The following FERMT1 variants were observed in gnomAD, a reference collection of about 807,000 sequenced individuals.
The protein encoded by FERMT1 is FERM domain containing kindlin 1.
A neutral mutation model predicts 85.3 loss-of-function variants in FERMT1; 60 were observed. The ratio of observed to expected loss-of-function variants is 0.70; its 90% CI spans 0.57 to 0.87. FERMT1 has a LOEUF of 0.87. Ranked by LOEUF, FERMT1 falls within the 40% of genes least tolerant of loss-of-function variation. FERMT1 has a pLI of 0.00. For synonymous variants in FERMT1, 275 were observed against 301.1 expected (o/e 0.91, Z 0.90); for missense variants, 701 against 818.9 (o/e 0.86, Z 1.76).
In FERMT1 at chr20:6,077,275, G is replaced by C. The variant is rs763281287; in HGVS notation, c.1932C>G (p.His644Gln). Residue 644 changes from histidine to glutamine, a missense_variant, in exon 15 of 15, where the codon CAC becomes CAG. Transcript: ENST00000217289. ...AGAAAATGTAGCCGCCAATGTACTC[G>C]TGCACAATCTTGCAATCTGCACTCA... ...TCLSADCKIV[H>Q]EYIGGYIFLS... 1.2e-6 allele frequency: 2 copies of C among 1,614,168 alleles called. No homozygotes were observed. Among genetic ancestry groups the C allele is most frequent in the Admixed American group, 1.7e-5 (1 of 60,010 alleles).
intron 6 of FERMT1, among the ~76,000 whole-genome samples, chr20:6,103,122 A>G (rs1982704751): frequency 6.6e-6 from 1 of 152,204 alleles, no homozygotes; most frequent in South Asian, 2.1e-4. Flanking sequence ...TTATGAATGA[A>G]TTTGAAAGGG....
At chr20:6,086,651 G>C (rs1376538123) in intron 11 of FERMT1, among the ~76,000 whole-genome samples, 1 of 152,132 alleles carries the variant, frequency 6.6e-6, no homozygotes, top group Non-Finnish European at 1.5e-5. Context: ...GGATCATGGG[G>C]GCAGATATAC....
chr20:6,086,022 G>A (rs1212028484), intron 11 of FERMT1, among the ~76,000 whole-genome samples: 1 of 150,604 alleles, frequency 6.6e-6, no homozygotes, highest in Non-Finnish European at 1.5e-5. Flanking sequence ...GGCACTTGTA[G>A]TCCCAGCTAC....
chr20:6,085,274 G>A lies in FERMT1; in HGVS notation c.1385C>T (p.Ala462Val). The change falls in exon 12 of 15, where the codon GCC becomes GTC. Residue 462 changes from alanine to valine, a missense_variant. Transcript: ENST00000217289. Reference sequence around the variant, plus strand: ...CAACATGCAGGCAGCCATCCATTGGGCGTATTGATTCTCCTGCAGCAAACA... The same window carrying A: ...CAACATGCAGGCAGCCATCCATTGGACGTATTGATTCTCCTGCAGCAAACA... ...YLRCDHENQY[A>V]QWMAACMLAS... 2 of 1,613,520 alleles carry A rather than the reference G, an allele frequency of 1.2e-6. No homozygotes were observed. Among genetic ancestry groups the A allele is most frequent in the South Asian group, 1.1e-5 (1 of 91,040 alleles).
In FERMT1 at chr20:6,088,964, C is replaced by G; in HGVS notation, c.1264+1G>C. On this transcript the variant is annotated splice_donor_variant, in intron 10 of 14. Transcript: ENST00000217289. LOFTEE classifies it high-confidence loss of function. The stretch of plus-strand genomic sequence containing the variant: ...CACAGCAAGATATAGGGTACTCTTA[C>G]CTCTAAGATTTAGTTTTTCTAGTGG... The G allele has an allele frequency of 1.2e-6, 2 of 1,610,490 alleles. No homozygotes were observed. Among genetic ancestry groups the G allele is most frequent in the South Asian group, 1.1e-5 (1 of 90,980 alleles).
rs886056895 is a variant in FERMT1, at chr20:6,075,798, C to T, written c.*1375G>A. 4 of 152,352 alleles carry T rather than the reference C, an allele frequency of 2.6e-5. No individual in the cohort carries two copies. The highest frequency in any genetic ancestry group is 4.4e-5 in the Non-Finnish European group (3 of 68,046). 9.4% of individuals were successfully genotyped at this position (152,352 alleles called of 1,614,324 possible). The stretch of plus-strand genomic sequence containing the variant: ...GAGCTTTTGCCTTATCCTTACACCC[C>T]AAGTTCTTTGTGTGGCAGAACATCT... On this transcript the variant is annotated 3_prime_UTR_variant, in exon 15 of 15. Transcript: ENST00000217289.
In FERMT1 at chr20:6,082,187, A is replaced by C. The variant is rs539383698; in HGVS notation, c.1718+1853T>G. The stretch of plus-strand genomic sequence containing the variant: ...AGGTGTTAGAGATAGAGGGAGGTGC[A>C]GGGGGAAGTAGCTGGTAAAGGAGGA... On this transcript the variant is annotated intron_variant, in intron 13 of 14. Coordinates refer to ENST00000217289, the MANE Select transcript of FERMT1 (RefSeq NM_017671.5). Among the ~76,000 whole-genome samples, 3 of 152,328 alleles carry C rather than the reference A, an allele frequency of 2.0e-5. No individual in the cohort carries two copies. The East Asian group carries it at 5.8e-4, about 29-fold the overall frequency.
rs778862595 is a variant in FERMT1, at chr20:6,079,472, A to G, written c.1824T>C (p.Asn608=). 1 of 1,614,112 alleles carries G rather than the reference A, an allele frequency of 6.2e-7. No individual in the cohort carries two copies. ...GIPVTTWRFT[N]IKQWNVNWET... ...CCCAGTTTACATTCCACTGTTTGAT[A>G]TTTGTGAATCTCCATGTTGTCACTG... The change falls in exon 14 of 15, where the codon AAT becomes AAC. Residue 608 remains asparagine, a synonymous_variant. Transcript: ENST00000217289.
Position 6,076,140 on chromosome 20 carries a change from T to G in FERMT1, c.*1033A>C, listed in dbSNP as rs1317586513. 1 of 223,692 alleles carries G rather than the reference T, an allele frequency of 4.5e-6. No homozygotes were observed. The highest frequency in any genetic ancestry group is 9.1e-6 in the Non-Finnish European group (1 of 109,824). The allele number at this position is 223,692 out of a possible 1,614,324, so 13.9% of individuals were successfully genotyped here. A position where few individuals can be genotyped will look rare whatever the true frequency, so the allele number is the denominator to read the frequency against. On this transcript the variant is annotated 3_prime_UTR_variant, in exon 15 of 15. Coordinates refer to ENST00000217289, the MANE Select transcript of FERMT1 (RefSeq NM_017671.5). ...AATCCAGGAGAACACAGACCAGCGA[T>G]AAGAGGGACGCTTCCCCATGACCCA...
intron 5 of FERMT1, among the ~76,000 whole-genome samples, chr20:6,108,562 C>T (rs1449445079): frequency 6.6e-6 from 1 of 152,090 alleles, no homozygotes; most frequent in African/African-American, 2.4e-5. Context: ...GTAATTCCAG[C>T]ACCTTGGGAG....
At chr20:6,119,072 C>T (rs1397531760) in intron 2 of FERMT1, among the ~76,000 whole-genome samples, 4 of 152,052 alleles carry the variant, frequency 2.6e-5, no homozygotes, top group Admixed American at 6.6e-5. Flanking sequence ...CTCAGGCTTC[C>T]GAGTAGCTGG....
chr20:6,110,183 T>A (rs1023570115), intron 5 of FERMT1, 115 bp downstream of exon 5: 1 of 906,614 alleles, frequency 1.1e-6, no homozygotes, highest in Non-Finnish European at 1.8e-6. Context: ...CAGCACTAAC[T>A]TTTGCAAATA....
intron 1 of FERMT1, among the ~76,000 whole-genome samples, chr20:6,121,928 A>G (rs558994673): frequency 6.6e-6 from 1 of 152,384 alleles, no homozygotes; most frequent in Non-Finnish European, 1.5e-5. Context: ...ATGCCCCTTC[A>G]TCGTCAAACT....
intron 14 of FERMT1, among the ~76,000 whole-genome samples, chr20:6,078,009 C>G (rs546593694): frequency 1.3e-5 from 2 of 152,262 alleles, no homozygotes; most frequent in East Asian, 3.9e-4. Context: ...AAAAGTCTGC[C>G]TGAATTTTCC....
intron 13 of FERMT1, among the ~76,000 whole-genome samples, chr20:6,081,568 G>A (rs1271341516): frequency 6.6e-6 from 1 of 152,136 alleles, no homozygotes; most frequent in Non-Finnish European, 1.5e-5. Flanking sequence ...AAGTAGCAGG[G>A]GCAGTGGGGT....
chr20:6,076,949 T>C lies in FERMT1; in HGVS notation c.*224A>G, dbSNP rs1981841434. 1.7e-6 allele frequency: 1 copy of C among 576,562 alleles called. No individual in the cohort carries two copies. The highest frequency in any genetic ancestry group is 3.1e-6 in the Non-Finnish European group (1 of 322,464). The allele number at this position is 576,562 out of a possible 1,614,324, so 35.7% of individuals were successfully genotyped here. A position where few individuals can be genotyped will look rare whatever the true frequency, so the allele number is the denominator to read the frequency against. ...CACCTGCTTTTCTCCTGCCTACCCA[T>C]TTTATAGAAAAAACAAGAGAGGCTC... On this transcript the variant is annotated 3_prime_UTR_variant, in exon 15 of 15. Coordinates refer to ENST00000217289, the MANE Select transcript of FERMT1 (RefSeq NM_017671.5).
At chr20:6,113,988 T>A (rs6076942) in intron 3 of FERMT1, among the ~76,000 whole-genome samples, 1 of 152,234 alleles carries the variant, frequency 6.6e-6, no homozygotes, top group Non-Finnish European at 1.5e-5. Context: ...CACTAGTGGC[T>A]ATCATTCCAG....
Position 6,097,648 on chromosome 20 carries a change from A to G in FERMT1, c.850-17T>C, listed in dbSNP as rs1456754714. On this transcript the variant is annotated splice_polypyrimidine_tract_variant and intron_variant, in intron 6 of 14. Transcript: ENST00000217289. ...AGCATCATACTAGAGACAAAAACAG[A>G]GGTGTGTGTGTAATGAGGTATATTT... is the stretch of plus-strand genomic sequence containing the variant. 1 of 1,525,478 alleles carries G rather than the reference A, an allele frequency of 6.6e-7. No individual in the cohort carries two copies. Among genetic ancestry groups the G allele is most frequent in the African/African-American group, 1.4e-5 (1 of 73,208 alleles). 94.5% of individuals were successfully genotyped at this position (1,525,478 alleles called of 1,614,324 possible). A position where few individuals can be genotyped will look rare whatever the true frequency, so the allele number is the denominator to read the frequency against.
intron 13 of FERMT1, among the ~76,000 whole-genome samples, chr20:6,081,225 A>G (rs1981986657): frequency 6.6e-6 from 1 of 151,748 alleles, no homozygotes. Flanking sequence ...ATAGTGAGCC[A>G]TGATTGTGCC....
Sources: gnomAD v4.1 joint callset for allele counts (sites outside exome capture counted in the v4.1 genomes callset) on GRCh38, gnomAD v4.1.1 for gene constraint, MANE v1.5 for transcripts, NCBI Gene and HGNC (gene_info 2026-07-23, HGNC 2026-07-21) for gene names.